Variants in CAPN5 observed in about 807,000 individuals in gnomAD.
CAPN5 encodes the protein calpain 5, also known as calpain-5.
Under a neutral mutation model 73.0 loss-of-function variants are expected in CAPN5, and 54 were observed. The ratio of observed to expected loss-of-function variants is 0.74; its 90% CI spans 0.59 to 0.93. CAPN5 has a LOEUF of 0.93. Among genes scored for constraint, CAPN5 ranks in the 40% least tolerant of loss-of-function variants. The pLI is 0.00. For missense variants in CAPN5, 785 were observed against 882.9 expected (o/e 0.89, Z 1.41); for synonymous variants, 335 against 356.9 (o/e 0.94, Z 0.69).
intron 3 of CAPN5, among the ~76,000 whole-genome samples, chr11:77,104,026 T>C (rs900318327): frequency 1.3e-5 from 2 of 152,208 alleles, no homozygotes; most frequent in Admixed American, 6.5e-5. Flanking sequence ...CACATATCCA[T>C]GAGACAGAGT....
chr11:77,072,230 T>C (rs1028862211), intron 1 of CAPN5, among the ~76,000 whole-genome samples: 13 of 152,172 alleles, frequency 8.5e-5, no homozygotes, highest in Non-Finnish European at 1.6e-4. Context: ...TAATCTTTCC[T>C]CCCCCAAACC....
chr11:77,112,614 A>T lies in CAPN5; in HGVS notation c.323A>T (p.Glu108Val). 1 of 1,604,910 alleles carries T rather than the reference A, an allele frequency of 6.2e-7. No individual in the cohort carries two copies. The highest frequency in any genetic ancestry group is 8.5e-7 in the Non-Finnish European group (1 of 1,175,608). ...GTCATCCCAGACTGGAAGGAGCAGGAATGGGACCCCGAAAAGCCCAACGCC... is the reference window on the plus strand; with the variant it reads ...GTCATCCCAGACTGGAAGGAGCAGGTATGGGACCCCGAAAAGCCCAACGCC... ...QKVIPDWKEQ[E>V]WDPEKPNAYA... Residue 108 changes from glutamate to valine, a missense_variant, in exon 4 of 13, where the codon GAA becomes GTA. Coordinates refer to ENST00000648180, the MANE Select transcript of CAPN5 (RefSeq NM_004055.5).
At position 77,120,595 on chromosome 11, in the gene CAPN5, G is replaced by A. The variant is rs116659939; in HGVS notation, c.1291-118G>A. The A allele has an allele frequency of 2.5e-3, 1,692 of 678,148 alleles. 23 individuals are homozygous for A. The African/African-American group carries it at 0.027, about 11-fold the overall frequency. The allele number at this position is 678,148 out of a possible 1,614,324, so 42.0% of individuals were successfully genotyped here. On this transcript the variant is annotated intron_variant, in intron 9 of 12. Coordinates refer to ENST00000648180, the MANE Select transcript of CAPN5 (RefSeq NM_004055.5). ...CTGTTATTATAGATTTGCCTGTTCC[G>A]GACATTTCATATAAAGGGATTCCAT...
chr11:77,095,141 T>C (rs1950194216), intron 3 of CAPN5, among the ~76,000 whole-genome samples: 1 of 152,154 alleles, frequency 6.6e-6, no homozygotes, highest in African/African-American at 2.4e-5. Flanking sequence ...GATGTGGGTA[T>C]TCGAGGGGCA....
At chr11:77,111,743 CAG>C (rs1443884124) in intron 3 of CAPN5, among the ~76,000 whole-genome samples, 2 of 152,136 alleles carry the variant, frequency 1.3e-5, no homozygotes, top group Admixed American at 6.5e-5. Context: ...CTCAAAGTCA[CAG>C]AGTTACTTAA....
In CAPN5 at chr11:77,120,635, T is replaced by G. The variant is rs934945100; in HGVS notation, c.1291-78T>G. 36 of 874,434 alleles carry G rather than the reference T, an allele frequency of 4.1e-5. No homozygotes were observed. The African/African-American group carries it at 5.8e-4, about 14-fold the overall frequency. The allele number at this position is 874,434 out of a possible 1,614,324, so 54.2% of individuals were successfully genotyped here. ...AGGGATTCCATCGTCCCTTCCATGG[T>G]GGTGAGGGGGAGGCGGGGTGGGCCA... On this transcript the variant is annotated intron_variant, in intron 9 of 12. Transcript: ENST00000648180.
At position 77,097,382 on chromosome 11, in the gene CAPN5, A is replaced by C. The variant is rs186642716; in HGVS notation, c.297+3569A>C. 3.6e-3 allele frequency among the ~76,000 whole-genome samples: 551 copies of C among 152,146 alleles called. 4 individuals carry two copies. The highest frequency in any genetic ancestry group is 0.013 in the African/African-American group (537 of 41,494). ...GTACTGGGGACGAAAGGCTTGAAAA[A>C]GTACAAGGATGTACAAAGTCACTTA... is the stretch of plus-strand genomic sequence containing the variant. On this transcript the variant is annotated intron_variant, in intron 3 of 12. Coordinates refer to ENST00000648180, the MANE Select transcript of CAPN5 (RefSeq NM_004055.5).
rs542165313 is a variant in CAPN5 at position 77,102,001 on chromosome 11, C to T, written c.297+8188C>T. 3.5e-4 allele frequency among the ~76,000 whole-genome samples: 53 copies of T among 152,310 alleles called. No homozygotes were observed. In the South Asian group the frequency reaches 7.7e-3, roughly 22 times the overall value. On this transcript the variant is annotated intron_variant, in intron 3 of 12. Transcript: ENST00000648180. ...GGCACAGCCAGCCATCAGTGTCATC[C>T]GGGTCAGTAATGCTCAAGGCACAGT...
intron 3 of CAPN5, among the ~76,000 whole-genome samples, chr11:77,110,534 T>C (rs1310265149): frequency 6.6e-6 from 1 of 152,224 alleles, no homozygotes; most frequent in Admixed American, 6.5e-5. Context: ...TGGGAAGTCC[T>C]GGGTTTGAAC....
chr11:77,125,992 T>C lies in CAPN5; in HGVS notation c.*2122T>C, dbSNP rs1555043817. 1 of 152,154 alleles carries C rather than the reference T, an allele frequency of 6.6e-6. No homozygotes were observed. Among genetic ancestry groups the C allele is most frequent in the Admixed American group, 6.5e-5 (1 of 15,276 alleles). 9.4% of individuals were successfully genotyped at this position (152,154 alleles called of 1,614,324 possible). On this transcript the variant is annotated 3_prime_UTR_variant, in exon 13 of 13. Coordinates refer to ENST00000648180, the MANE Select transcript of CAPN5 (RefSeq NM_004055.5). ...TGATAGGGGAGAGCAATTACTTTGTTCACTGTATGCACCCGCGGGGGCCTG... is the reference window on the plus strand; with the variant it reads ...TGATAGGGGAGAGCAATTACTTTGTCCACTGTATGCACCCGCGGGGGCCTG...
At chr11:77,108,451 G>A (rs1950375301) in intron 3 of CAPN5, among the ~76,000 whole-genome samples, 2 of 152,164 alleles carry the variant, frequency 1.3e-5, no homozygotes, top group Admixed American at 1.3e-4. Flanking sequence ...GGTGTTTGGT[G>A]GTTGTGGTAG....
intron 9 of CAPN5, 65 bp downstream of exon 9, chr11:77,119,217 A>G (rs1555042299): frequency 1.3e-6 from 2 of 1,537,572 alleles, no homozygotes; most frequent in Non-Finnish European, 1.8e-6. Context: ...TGGACTGCCC[A>G]TGCCTGAGGA....
At chr11:77,110,117 C>CTTT (rs34542185) in intron 3 of CAPN5, among the ~76,000 whole-genome samples, 2 of 144,428 alleles carry the variant, frequency 1.4e-5, no homozygotes, top group Non-Finnish European at 1.5e-5. Flanking sequence ...TGGAACCGCT[C>CTTT]TTTTTTTTTT....
At chr11:77,087,903 C>A (rs1555035801) in intron 2 of CAPN5, 1 of 1,535,732 alleles carries the variant, frequency 6.5e-7, no homozygotes, top group Non-Finnish European at 8.7e-7. Context: ...CAGCCCACAC[C>A]CTTCACCCAC....
intron 1 of CAPN5, among the ~76,000 whole-genome samples, chr11:77,081,643 C>A (rs375839067): frequency 6.6e-6 from 1 of 152,278 alleles, no homozygotes; most frequent in South Asian, 2.1e-4. Context: ...ACCATGCAGA[C>A]CAGTGAGGTA....
chr11:77,118,264 A>T lies in CAPN5; in HGVS notation c.1079A>T (p.His360Leu). 3 of 1,614,106 alleles carry T rather than the reference A, an allele frequency of 1.9e-6. No homozygotes were observed. Among genetic ancestry groups the T allele is most frequent in the Non-Finnish European group, 2.5e-6 (3 of 1,180,016 alleles). Reference protein sequence around the residue: ...IHKTWEEARLHGAWTLHEDPR... With the variant: ...IHKTWEEARLLGAWTLHEDPR... ...AAGACGTGGGAGGAGGCCCGGCTGC[A>T]TGGCGCCTGGACGCTGCATGAGGAC... The change falls in exon 8 of 13, where the codon CAT (histidine) becomes CTT (leucine). Residue 360 changes from histidine (H) to leucine (L), a missense_variant. By Grantham distance (99) the His-to-Leu change is moderately conservative. Transcript: ENST00000648180.
chr11:77,120,029 A>G (rs1169833418), intron 9 of CAPN5: 1 of 152,032 alleles, frequency 6.6e-6, no homozygotes, highest in Non-Finnish European at 1.5e-5. Context: ...TACCAGGGGG[A>G]TTCCTATTGC....
chr11:77,074,348 T>C (rs1267475549), intron 1 of CAPN5, among the ~76,000 whole-genome samples: 1 of 152,170 alleles, frequency 6.6e-6, no homozygotes, highest in Non-Finnish European at 1.5e-5. Flanking sequence ...GAGCTGGTTC[T>C]GCCAGCTTCC....
intron 8 of CAPN5, 125 bp downstream of exon 8, chr11:77,118,477 G>A (rs1451917901): frequency 3.8e-4 from 291 of 774,296 alleles, no homozygotes; most frequent in Non-Finnish European, 4.5e-5. Flanking sequence ...CAGCAAACCT[G>A]TCTGTACAGT....
Sources: allele counts gnomAD v4.1 joint callset (sites outside exome capture counted in the v4.1 genomes callset), GRCh38; gene constraint gnomAD v4.1.1; transcripts MANE v1.5; gene names NCBI Gene and HGNC (gene_info 2026-07-23, HGNC 2026-07-21).